The following PXT1 variants were observed in gnomAD, a reference collection of about 807,000 sequenced individuals.
The protein encoded by PXT1 is peroxisomal testis-specific protein 1.
A neutral mutation model predicts 11.0 loss-of-function variants in PXT1; 11 were observed. That is an observed-to-expected ratio of 1.00 (90% CI 0.63 to 1.66). The LOEUF (loss-of-function observed/expected upper bound fraction) is 1.66, where lower values mean the gene tolerates loss of function less well. PXT1 is among the 40% of genes most tolerant of loss of function. PXT1 has a pLI of 0.00. For synonymous variants in PXT1, 43 were observed against 51.4 expected (o/e 0.84, Z 0.70); for missense variants, 141 against 155.5 (o/e 0.91, Z 0.49).
At chr6:36,401,168 A>C (rs887398475) in intron 3 of PXT1, among the ~76,000 whole-genome samples, 2 of 151,704 alleles carry the variant, frequency 1.3e-5, no homozygotes, top group Non-Finnish European at 2.9e-5. Context: ...AAATATTATT[A>C]TAACATTAAT....
intron 4 of PXT1, among the ~76,000 whole-genome samples, chr6:36,399,336 G>C (rs989074852): frequency 6.6e-6 from 1 of 152,046 alleles, no homozygotes; most frequent in Non-Finnish European, 1.5e-5. Context: ...CAGTAGAGAC[G>C]GGGTTTCACC....
chr6:36,409,468 T>G (rs1321242300), intron 3 of PXT1, among the ~76,000 whole-genome samples: 1 of 151,968 alleles, frequency 6.6e-6, no homozygotes, highest in East Asian at 1.9e-4. Context: ...GGGGATCAAC[T>G]GCACCACTTG....
intron 1 of PXT1, among the ~76,000 whole-genome samples, chr6:36,440,716 T>G (rs1391853711): frequency 1.3e-5 from 2 of 152,186 alleles, no homozygotes; most frequent in African/African-American, 4.8e-5. Flanking sequence ...TATACATTTC[T>G]CATATCCCGT....
At chr6:36,407,957 C>CT (rs61251776) in intron 3 of PXT1, among the ~76,000 whole-genome samples, 11,325 of 136,058 alleles carry the variant, frequency 0.083, 499 homozygotes, top group African/African-American at 0.13. Flanking sequence ...CTTTTTCTTT[C>CT]TTTTTTTTTT....
intron 1 of PXT1, among the ~76,000 whole-genome samples, chr6:36,440,441 G>C (rs548228423): frequency 1.2e-4 from 19 of 152,096 alleles, no homozygotes; most frequent in African/African-American, 4.1e-4. Context: ...ACAGTGGCGG[G>C]CGCCTGTAGT....
intron 3 of PXT1, among the ~76,000 whole-genome samples, chr6:36,418,820 G>A (rs1207207942): frequency 5.3e-5 from 8 of 152,202 alleles, no homozygotes; most frequent in Admixed American, 5.2e-4. Context: ...AGGCCACTGA[G>A]CCACAGCTGC....
At chr6:36,435,869 T>C (rs1176505166) in intron 2 of PXT1, among the ~76,000 whole-genome samples, 1 of 152,084 alleles carries the variant, frequency 6.6e-6, no homozygotes, top group African/African-American at 2.4e-5. Context: ...CAAGTAAGAC[T>C]AGAATAAACC....
chr6:36,392,845 T>A (rs1220862375), intron 4 of PXT1, among the ~76,000 whole-genome samples: 1 of 152,100 alleles, frequency 6.6e-6, no homozygotes, highest in African/African-American at 2.4e-5. Context: ...CACAGCCCCC[T>A]CTGTGGACTG....
intron 3 of PXT1, among the ~76,000 whole-genome samples, chr6:36,412,634 T>C (rs1278206716): frequency 7.0e-6 from 1 of 142,400 alleles, no homozygotes; most frequent in Non-Finnish European, 1.5e-5. Context: ...CACTCCAGCC[T>C]GGCAAGAGAG....
At chr6:36,395,441 G>C (rs1582244583) in intron 4 of PXT1, among the ~76,000 whole-genome samples, 1 of 146,296 alleles carries the variant, frequency 6.8e-6, no homozygotes, top group Non-Finnish European at 1.5e-5. Context: ...AAAGTTCCTT[G>C]ATTTGAACTT....
At chr6:36,393,234 G>A (rs368859447) in intron 4 of PXT1, among the ~76,000 whole-genome samples, 100 of 152,182 alleles carry the variant, frequency 6.6e-4, no homozygotes, top group East Asian at 2.3e-3. Flanking sequence ...CCAAAGTGCC[G>A]GGATTACAGG....
At chr6:36,428,464 G>T (rs1774640008) in intron 2 of PXT1, among the ~76,000 whole-genome samples, 1 of 149,788 alleles carries the variant, frequency 6.7e-6, no homozygotes, top group Non-Finnish European at 1.5e-5. Context: ...TAATCAAGAT[G>T]TAGCTACCAG....
intron 2 of PXT1, among the ~76,000 whole-genome samples, chr6:36,427,085 C>T (rs903891651): frequency 3.8e-5 from 5 of 132,576 alleles, no homozygotes; most frequent in Admixed American, 7.6e-5. Flanking sequence ...TCACTGCAAC[C>T]TCTGCCTCCT....
intron 4 of PXT1, among the ~76,000 whole-genome samples, chr6:36,395,479 G>C (rs1011429384): frequency 1.4e-5 from 2 of 145,428 alleles, no homozygotes; most frequent in African/African-American, 5.0e-5. Flanking sequence ...CAGCATTTCA[G>C]AGCCAAACTT....
chr6:36,394,939 T>G (rs914164322), intron 4 of PXT1, among the ~76,000 whole-genome samples: 1 of 151,986 alleles, frequency 6.6e-6, no homozygotes, highest in African/African-American at 2.4e-5. Flanking sequence ...GTAGCTGGAC[T>G]ACAGGCACAC....
chr6:36,424,935 TG>T (rs1774582526), intron 3 of PXT1, among the ~76,000 whole-genome samples: 1 of 151,912 alleles, frequency 6.6e-6, no homozygotes, highest in East Asian at 1.9e-4. Flanking sequence ...AAAAATCTGG[TG>T]TGGTGGCAAG....
rs1005280237 is a variant in PXT1 at position 36,391,684 on chromosome 6, G to A, written c.*86C>T. On this transcript the variant is annotated 3_prime_UTR_variant, in exon 5 of 5. Coordinates refer to ENST00000454782, the MANE Select transcript of PXT1 (RefSeq NM_152990.4). ...CAAAAAGAGGGAGACGGAGAAGGGT[G>A]TTCTTCCCATCTGTCCCAGTGGGAT... is the stretch of plus-strand genomic sequence containing the variant. 3.0e-5 allele frequency: 27 copies of A among 901,252 alleles called. No homozygotes were observed. In the African/African-American group the frequency reaches 3.7e-4, roughly 12 times the overall value. The allele number at this position is 901,252 out of a possible 1,614,324, so 55.8% of individuals were successfully genotyped here.
At position 36,400,465 on chromosome 6, in the gene PXT1, T is replaced by C; in HGVS notation, c.289A>G (p.Met97Val). Residue 97 changes from methionine to valine, a missense_variant, in exon 4 of 5, where the codon ATG becomes GTG. Met to Val is a conservative substitution (Grantham distance 21). Transcript: ENST00000454782. Reference protein sequence around the residue: ...RHIGDNIDHRMVREDLQQDGR... With the variant: ...RHIGDNIDHRVVREDLQQDGR... ...AACTGAAGCCTCACCTCTCGAACCATCCTATGATCAATGTTGTCCCCAATG... is the reference window on the plus strand; with the variant it reads ...AACTGAAGCCTCACCTCTCGAACCACCCTATGATCAATGTTGTCCCCAATG... The C allele has an allele frequency of 1.2e-6, 2 of 1,613,728 alleles. 1 individual carries two copies. Among genetic ancestry groups the C allele is most frequent in the Non-Finnish European group, 1.7e-6 (2 of 1,179,722 alleles).
chr6:36,405,676 C>G (rs1284294961), intron 3 of PXT1, among the ~76,000 whole-genome samples: 1 of 152,184 alleles, frequency 6.6e-6, no homozygotes, highest in Non-Finnish European at 1.5e-5. Context: ...CAGTAACATC[C>G]TAGGCTTTCA....
Sources: allele counts gnomAD v4.1 joint callset (sites outside exome capture counted in the v4.1 genomes callset), GRCh38; gene constraint gnomAD v4.1.1; transcripts MANE v1.5; gene names NCBI Gene and HGNC (gene_info 2026-07-23, HGNC 2026-07-21).